SPARC: variants seen among roughly 807,000 people sequenced by gnomAD.
The protein encoded by SPARC is secreted protein acidic and cysteine rich, also known as basement-membrane protein 40.
Under a neutral mutation model 37.7 loss-of-function variants are expected in SPARC, and 23 were observed. The observed-to-expected ratio is 0.61, with a 90% confidence interval of 0.44 to 0.87. SPARC has a LOEUF of 0.87. Ranked by LOEUF, SPARC falls within the 40% of genes least tolerant of loss-of-function variation. The pLI, the probability that SPARC is intolerant of heterozygous loss-of-function variation, is 0.00. For synonymous variants in SPARC, 155 were observed against 150.8 expected, an observed-to-expected ratio of 1.03 and a Z score of -0.20; for missense variants, 312 against 389.0, an observed-to-expected ratio of 0.80 and a Z score of 1.66.
intron 3 of SPARC, 99 bp from the exon 4 acceptor site, chr5:151,673,315 G>A (rs1760787070): frequency 6.0e-6 from 5 of 837,444 alleles, no homozygotes; most frequent in Non-Finnish European, 1.0e-5. Context: ...CACAAACGCA[G>A]GGTTGGGAAT....
chr5:151,663,448 C>T lies in SPARC; in HGVS notation c.*123G>A, dbSNP rs1581517641. ...ATTTTTAGCACCGTTAATGTATTCA[C>T]TTAAATCTATGTTAGCACCTTGTCT... On this transcript the variant is annotated 3_prime_UTR_variant, in exon 10 of 10. Transcript: ENST00000231061. The T allele has an allele frequency of 1.1e-6, 1 of 950,370 alleles. No homozygotes were observed. Among genetic ancestry groups the T allele is most frequent in the South Asian group, 1.5e-5 (1 of 68,390 alleles). The allele number at this position is 950,370 out of a possible 1,614,324, so 58.9% of individuals were successfully genotyped here. A position where few individuals can be genotyped will look rare whatever the true frequency, so the allele number is the denominator to read the frequency against.
intron 1 of SPARC, among the ~76,000 whole-genome samples, chr5:151,683,046 C>A (rs1281276902): frequency 7.2e-6 from 1 of 139,636 alleles, no homozygotes; most frequent in Non-Finnish European, 1.6e-5. Flanking sequence ...CTTGCTGGCC[C>A]TGGCCCTGCA....
chr5:151,677,573 G>A (rs1760887378), intron 1 of SPARC, among the ~76,000 whole-genome samples: 1 of 152,104 alleles, frequency 6.6e-6, no homozygotes, highest in Non-Finnish European at 1.5e-5. Flanking sequence ...CTAGACCTTG[G>A]TTCCCCCATC....
rs777465153 is a variant in SPARC, at chr5:151,671,678, G to A, written c.225C>T (p.His75=). The A allele has an allele frequency of 6.2e-7, 1 of 1,613,770 alleles. No individual in the cohort carries two copies. The highest frequency in any genetic ancestry group is 1.1e-5 in the South Asian group (1 of 91,068). ...CGCACACCTTGCCGTGTTTGCAGTG[G>A]TGGTTCTGGCAGGGATCTGTAGGGC... is the stretch of plus-strand genomic sequence containing the variant. ...EVVAENPCQN[H]HCKHGKVCEL... is the part of the protein sequence containing the mutation. The change falls in exon 5 of 10, where the codon CAC becomes CAT. Residue 75 remains histidine (H), a synonymous_variant. Coordinates refer to ENST00000231061, the MANE Select transcript of SPARC (RefSeq NM_003118.4).
rs771737583 is a variant in SPARC at position 151,669,648 on chromosome 5, G to C, written c.451+16C>G. 1 of 1,613,932 alleles carries C rather than the reference G, an allele frequency of 6.2e-7. No homozygotes were observed. ...CTCCCCAAGACAGGAGTCTGGAAGG[G>C]CCCAAGGACACTCACATTTGCAAGG... On this transcript the variant is annotated intron_variant, in intron 6 of 9. Coordinates refer to ENST00000231061, the MANE Select transcript of SPARC (RefSeq NM_003118.4).
At chr5:151,673,264 A>G in intron 3 of SPARC, 48 bp from the exon 4 acceptor site, 1 of 1,284,662 alleles carries the variant, frequency 7.8e-7, no homozygotes, top group Non-Finnish European at 1.1e-6. Context: ...CTCCCATCCC[A>G]GACCCATAAG....
rs879714063 is a variant in SPARC, at chr5:151,661,848, G to A, written c.*1723C>T. ...CTAATTTAAATTTAAATCTTAAAAAGTTACATGTGGGTAGTGGCTGCCGTA... is the reference window on the plus strand; with the variant it reads ...CTAATTTAAATTTAAATCTTAAAAAATTACATGTGGGTAGTGGCTGCCGTA... On this transcript the variant is annotated 3_prime_UTR_variant, in exon 10 of 10. Transcript: ENST00000231061. 2.0e-5 allele frequency: 3 copies of A among 152,152 alleles called. No individual in the cohort carries two copies. The highest frequency in any genetic ancestry group is 2.9e-5 in the Non-Finnish European group (2 of 68,032). The allele number at this position is 152,152 out of a possible 1,614,324, so 9.4% of individuals were successfully genotyped here.
intron 1 of SPARC, among the ~76,000 whole-genome samples, chr5:151,682,895 GACA>G (rs1233510364): frequency 8.5e-5 from 13 of 152,218 alleles, no homozygotes; most frequent in African/African-American, 2.9e-4. Flanking sequence ...AACCAGCTCT[GACA>G]ACAATTGTTG....
chr5:151,680,262 T>C (rs1019021377), intron 1 of SPARC, among the ~76,000 whole-genome samples: 3 of 129,176 alleles, frequency 2.3e-5, no homozygotes, highest in African/African-American at 9.2e-5. Flanking sequence ...GGTCTCCCTC[T>C]GTCACCCAGA....
At chr5:151,678,948 T>C (rs980053405) in intron 1 of SPARC, 5 of 152,006 alleles carry the variant, frequency 3.3e-5, no homozygotes, top group African/African-American at 1.2e-4. Context: ...ACGAGATACC[T>C]CTCTGAGGCT....
At chr5:151,667,841 C>A (rs1470592750) in intron 6 of SPARC, among the ~76,000 whole-genome samples, 1 of 152,210 alleles carries the variant, frequency 6.6e-6, no homozygotes, top group Non-Finnish European at 1.5e-5. Flanking sequence ...CTGCTCTGCT[C>A]AGGGAAATGG....
At chr5:151,671,798 C>T in intron 4 of SPARC, 104 bp from the exon 5 acceptor site, 3 of 1,498,748 alleles carry the variant, frequency 2.0e-6, no homozygotes, top group Non-Finnish European at 2.7e-6. Context: ...ACTGTGGCCC[C>T]CACTCTGGGC....
At chr5:151,676,359 C>T (rs1352946799) in intron 1 of SPARC, among the ~76,000 whole-genome samples, 158 bp from the exon 2 acceptor site, 1 of 152,226 alleles carries the variant, frequency 6.6e-6, no homozygotes, top group Non-Finnish European at 1.5e-5. Flanking sequence ...TCTTTCAATT[C>T]TGCTTATATG....
At chr5:151,684,264 G>A (rs542674835) in intron 1 of SPARC, among the ~76,000 whole-genome samples, 5 of 152,228 alleles carry the variant, frequency 3.3e-5, no homozygotes, top group African/African-American at 7.2e-5. Flanking sequence ...GAATAAAAGC[G>A]GTATCTGGGA....
chr5:151,683,248 C>G (rs1485656850), intron 1 of SPARC, among the ~76,000 whole-genome samples: 1 of 152,246 alleles, frequency 6.6e-6, no homozygotes, highest in Non-Finnish European at 1.5e-5. Context: ...CGCCTACAGG[C>G]ACATCATGCA....
At position 151,664,185 on chromosome 5, in the gene SPARC, A is replaced by T. The variant is rs1210023408; in HGVS notation, c.785T>A (p.Met262Lys). 6.2e-7 allele frequency: 1 copy of T among 1,614,038 alleles called. No individual in the cohort carries two copies. Among genetic ancestry groups the T allele is most frequent in the Non-Finnish European group, 8.5e-7 (1 of 1,180,006 alleles). Reference sequence around the variant, plus strand: ...GAAAAAGCGGGTGGTGCAATGCTCCATGGGGATGAGGGGAGCACGCAGTGG... The same window carrying T: ...GAAAAAGCGGGTGGTGCAATGCTCCTTGGGGATGAGGGGAGCACGCAGTGG... ...LAPLRAPLIP[M>K]EHCTTRFFET... The change falls in exon 9 of 10, where the codon ATG becomes AAG. Residue 262 changes from methionine to lysine, a missense_variant. Coordinates refer to ENST00000231061, the MANE Select transcript of SPARC (RefSeq NM_003118.4).
chr5:151,680,562 C>T (rs1760965512), intron 1 of SPARC, among the ~76,000 whole-genome samples: 1 of 152,080 alleles, frequency 6.6e-6, no homozygotes, highest in Non-Finnish European at 1.5e-5. Flanking sequence ...ATCTAAATAG[C>T]CACATGTGGC....
chr5:151,683,233 G>A (rs569681588), intron 1 of SPARC, among the ~76,000 whole-genome samples: 199 of 152,382 alleles, frequency 1.3e-3, no homozygotes, highest in African/African-American at 4.4e-3. Flanking sequence ...AAGCAAGGGA[G>A]CAGCCGCCTA....
chr5:151,663,888 G>A (rs572659039), intron 9 of SPARC, among the ~76,000 whole-genome samples, 199 bp downstream of exon 9: 2 of 152,362 alleles, frequency 1.3e-5, no homozygotes, highest in South Asian at 4.1e-4. Flanking sequence ...AAGGGAAAGA[G>A]AGAGGGACAG....
Sources: gnomAD v4.1 joint callset for allele counts (sites outside exome capture counted in the v4.1 genomes callset) on GRCh38, gnomAD v4.1.1 for gene constraint, MANE v1.5 for transcripts, NCBI Gene and HGNC (gene_info 2026-07-23, HGNC 2026-07-21) for gene names.